Variants in DPP6 observed in about 807,000 individuals in gnomAD.
DPP6 encodes the protein dipeptidyl peptidase like 6, also known as A-type potassium channel modulatory protein DPP6.
A neutral mutation model predicts 122.6 loss-of-function variants in DPP6; 69 were observed. That is an observed-to-expected ratio of 0.56 (90% confidence interval 0.46 to 0.69). The LOEUF is 0.69. Among genes scored for constraint, DPP6 ranks in the 30% least tolerant of loss-of-function variants. The pLI is 0.00. For synonymous variants in DPP6, 418 were observed against 433.1 expected (o/e 0.97, Z 0.43); for missense variants, 928 against 1,116.9 (o/e 0.83, Z 2.41).
intron 1 of DPP6, chr7:154,094,473 A>G (rs965736213): frequency 7.9e-5 from 12 of 152,482 alleles, no homozygotes; most frequent in African/African-American, 2.4e-4. Flanking sequence ...TCTGGAAATA[A>G]GGATTCGGGC....
intron 1 of DPP6, among the ~76,000 whole-genome samples, chr7:154,444,828 G>A (rs1819713893): frequency 6.6e-6 from 1 of 152,212 alleles, no homozygotes; most frequent in South Asian, 2.1e-4. Context: ...CTACCTAATA[G>A]GAAATGAGAT....
intron 1 of DPP6, among the ~76,000 whole-genome samples, chr7:154,196,830 C>T (rs1054561477): frequency 6.6e-6 from 1 of 152,150 alleles, no homozygotes; most frequent in African/African-American, 2.4e-5. Flanking sequence ...GAAGCTGGCC[C>T]TATCCCGTTT....
At chr7:154,729,555 T>A (rs1408753823) in intron 8 of DPP6, among the ~76,000 whole-genome samples, 1 of 152,184 alleles carries the variant, frequency 6.6e-6, no homozygotes, top group Non-Finnish European at 1.5e-5. Flanking sequence ...ATAGCCCCAG[T>A]CAAGACATAG....
intron 4 of DPP6, among the ~76,000 whole-genome samples, chr7:154,565,274 A>C (rs1184302124): frequency 1.3e-5 from 2 of 152,256 alleles, no homozygotes; most frequent in African/African-American, 2.4e-5. Context: ...TTCAGTATCC[A>C]CTAGTTGCAC....
intron 1 of DPP6, among the ~76,000 whole-genome samples, chr7:154,197,626 G>A (rs1798937056): frequency 1.3e-5 from 2 of 152,206 alleles, no homozygotes; most frequent in Admixed American, 1.3e-4. Context: ...ACAAAGGACA[G>A]TTGTAGGTGG....
rs1806800593 is a variant in DPP6 at position 154,893,464 on chromosome 7, A to AC, written c.*984_*985insC. On this transcript the variant is annotated 3_prime_UTR_variant, in exon 26 of 26. Transcript: ENST00000377770. Reference sequence around the variant, plus strand: ...ATGACATTTGGTTTAAAAAAAAAAAAAAAAAAAAAAAAAAAACAGAAAAAA... The same window carrying AC: ...ATGACATTTGGTTTAAAAAAAAAAAACAAAAAAAAAAAAAAAACAGAAAAAA... 2 of 141,618 alleles carry AC rather than the reference A, an allele frequency of 1.4e-5. No individual in the cohort carries two copies. Among genetic ancestry groups the AC allele is most frequent in the Non-Finnish European group, 3.1e-5 (2 of 64,986 alleles). 8.8% of individuals were successfully genotyped at this position (141,618 alleles called of 1,614,324 possible).
upstream of DPP6, among the ~76,000 whole-genome samples, chr7:154,050,166 C>G (rs1800226693): frequency 6.6e-6 from 1 of 152,152 alleles, no homozygotes; most frequent in South Asian, 2.1e-4. Context: ...TCCCCTGTTG[C>G]TTATGAGTTT....
At chr7:154,479,580 G>T (rs150242374) in intron 3 of DPP6, among the ~76,000 whole-genome samples, 4 of 141,794 alleles carry the variant, frequency 2.8e-5, no homozygotes. Context: ...AAAAAGAAAA[G>T]AAAAGAAAAA....
At chr7:154,719,107 G>A (rs1841659984) in intron 7 of DPP6, among the ~76,000 whole-genome samples, 1 of 151,810 alleles carries the variant, frequency 6.6e-6, no homozygotes, top group East Asian at 1.9e-4. Flanking sequence ...ATCAGAGAGT[G>A]GTAGCCTTCT....
At chr7:154,213,043 C>G (rs1288788652) in intron 1 of DPP6, among the ~76,000 whole-genome samples, 2 of 152,210 alleles carry the variant, frequency 1.3e-5, no homozygotes, top group African/African-American at 2.4e-5. Flanking sequence ...GACATCAGCG[C>G]TTGCTCAGAA....
chr7:154,787,318 G>GT (rs1415259572), intron 10 of DPP6, among the ~76,000 whole-genome samples: 14 of 152,098 alleles, frequency 9.2e-5, no homozygotes, highest in African/African-American at 2.9e-4. Flanking sequence ...ATTTATTTGG[G>GT]TTTTTTTAAA....
At chr7:154,342,234 C>G (rs561303504) in intron 1 of DPP6, among the ~76,000 whole-genome samples, 1 of 152,226 alleles carries the variant, frequency 6.6e-6, no homozygotes, top group South Asian at 2.1e-4. Flanking sequence ...GTCAGCAGCC[C>G]CAGGATATCT....
At chr7:154,051,039 G>C (rs979445067), upstream of DPP6, among the ~76,000 whole-genome samples, 1 of 130,590 alleles carries the variant, frequency 7.7e-6, no homozygotes, top group African/African-American at 2.8e-5. Flanking sequence ...TCAGGCCCAG[G>C]CAGGCCTCTC....
At chr7:153,960,538 G>A (rs1036214283) in intron 1 of DPP6, among the ~76,000 whole-genome samples, 3 of 150,680 alleles carry the variant, frequency 2.0e-5, no homozygotes, top group Admixed American at 1.3e-4. Context: ...GAGTGATACC[G>A]AACTTTATTT....
chr7:154,521,749 T>C (rs1826999145), intron 3 of DPP6, among the ~76,000 whole-genome samples: 1 of 152,216 alleles, frequency 6.6e-6, no homozygotes, highest in Non-Finnish European at 1.5e-5. Context: ...TATTGTGGTA[T>C]CATTTTACCG....
At chr7:153,843,122 GCATACACACT>G in the DPP6 span, among the ~76,000 whole-genome samples, 1 of 151,000 alleles carries the variant, frequency 6.6e-6, no homozygotes, top group Non-Finnish European at 1.5e-5. Flanking sequence ...ATACACATGC[GCATACACACT>G]TGCATACAGA....
intron 1 of DPP6, among the ~76,000 whole-genome samples, chr7:154,022,450 T>C (rs532972116): frequency 8.7e-4 from 127 of 146,486 alleles, no homozygotes; most frequent in Middle Eastern, 6.8e-3. Flanking sequence ...CTGGAGAATG[T>C]GAAAGATGTG....
rs58430009 is a variant in DPP6 at position 154,481,346 on chromosome 7, G to GTGTGTGTGTGTGTGTGTGTGTGTGT, written c.457+6309_457+6310insTGTGTGTGTGTGTGTGTGTGTGTGT. Among the ~76,000 whole-genome samples the GTGTGTGTGTGTGTGTGTGTGTGTGT allele has an allele frequency of 1.4e-5, 2 of 147,952 alleles. No individual in the cohort carries two copies. Among genetic ancestry groups the GTGTGTGTGTGTGTGTGTGTGTGTGT allele is most frequent in the South Asian group, 2.1e-4 (1 of 4,708 alleles). On this transcript the variant is annotated intron_variant, in intron 3 of 25. Coordinates refer to ENST00000377770, the MANE Select transcript of DPP6 (RefSeq NM_130797.4). This position sits in a 1 kb window ranked among gnomAD's most constrained non-coding sequence, Gnocchi z 4.2. ...ATACACTTGGAGAGAGAGAGAGAGGGGTGTGTGTGTGTGTGTGTGTGTGTG... is the reference window on the plus strand; with the variant it reads ...ATACACTTGGAGAGAGAGAGAGAGGGTGTGTGTGTGTGTGTGTGTGTGTGTGTGTGTGTGTGTGTGTGTGTGTGTG...
intron 1 of DPP6, among the ~76,000 whole-genome samples, chr7:154,194,351 A>T (rs1237887106): frequency 6.6e-6 from 1 of 152,226 alleles, no homozygotes; most frequent in East Asian, 1.9e-4. Context: ...AATCAGATGC[A>T]TATTTTTTTC....
Sources: gnomAD v4.1 joint callset for allele counts (sites outside exome capture counted in the v4.1 genomes callset) on GRCh38, gnomAD v4.1.1 for gene constraint, Gnocchi (gnomAD v3.1) non-coding constraint, MANE v1.5 for transcripts, NCBI Gene and HGNC (gene_info 2026-07-23, HGNC 2026-07-21) for gene names.